LRRIQ1: variants seen among roughly 807,000 people sequenced by gnomAD.
LRRIQ1 encodes the protein leucine rich repeats and IQ motif containing 1.
A neutral mutation model predicts 211.9 loss-of-function variants in LRRIQ1; 210 were observed. The ratio of observed to expected loss-of-function variants is 0.99; its 90% CI spans 0.89 to 1.11. The LOEUF (loss-of-function observed/expected upper bound fraction) is 1.11. Among genes scored for constraint, LRRIQ1 ranks in the 50% most tolerant of loss-of-function variants. LRRIQ1 has a pLI of 0.00. For synonymous variants in LRRIQ1, 699 were observed against 650.1 expected, an observed-to-expected ratio of 1.08 and a Z score of -1.14; for missense variants, 2,136 against 1,939.5, an observed-to-expected ratio of 1.10 and a Z score of -1.90.
At chr12:85,068,463 T>C (rs763494723) in intron 10 of LRRIQ1, among the ~76,000 whole-genome samples, 2 of 151,942 alleles carry the variant, frequency 1.3e-5, no homozygotes, top group Non-Finnish European at 2.9e-5. Flanking sequence ...CCATTAGTTA[T>C]ATTAAACATT....
chr12:85,227,381 C>T (rs550031100), intron 24 of LRRIQ1, among the ~76,000 whole-genome samples: 4 of 152,172 alleles, frequency 2.6e-5, no homozygotes, highest in African/African-American at 7.2e-5. Flanking sequence ...CCCATTAACT[C>T]GTCATTTAGT....
chr12:85,111,345 T>G (rs1289581916), intron 15 of LRRIQ1, among the ~76,000 whole-genome samples: 1 of 152,092 alleles, frequency 6.6e-6, no homozygotes, highest in Non-Finnish European at 1.5e-5. Context: ...CTGGTTCCAT[T>G]CATGTAACTG....
intron 1 of LRRIQ1, among the ~76,000 whole-genome samples, chr12:85,256,333 A>G (rs1299432738): frequency 6.6e-6 from 1 of 151,672 alleles, no homozygotes; most frequent in Non-Finnish European, 1.5e-5. Flanking sequence ...TTATCCATTT[A>G]TATGATCATT....
chr12:85,119,597 A>G (rs11116716), intron 15 of LRRIQ1, among the ~76,000 whole-genome samples: 8,625 of 152,188 alleles, frequency 0.057, 820 homozygotes, highest in African/African-American at 0.2. Flanking sequence ...TTGTCTTCCA[A>G]AGTGGCTGTA....
intron 24 of LRRIQ1, among the ~76,000 whole-genome samples, chr12:85,199,588 TA>T (rs1893191495): frequency 6.6e-6 from 1 of 152,070 alleles, no homozygotes; most frequent in Admixed American, 6.6e-5. Context: ...GGGTAATTCA[TA>T]AAGGAAAAAG....
chr12:85,075,195 C>T (rs1883505358), intron 11 of LRRIQ1, among the ~76,000 whole-genome samples: 1 of 152,014 alleles, frequency 6.6e-6, no homozygotes. Flanking sequence ...GCTTATAATC[C>T]TAGCACTTTG....
rs75487867 is a variant in LRRIQ1 at position 85,036,405 on chromosome 12, G to A, written c.-27G>A. Reference sequence around the variant, plus strand: ...CAAAGCCAAGGAATCTCGCTGCTGAGGGGTGAGCCGGGGTCTTAAGACTGG... The same window carrying A: ...CAAAGCCAAGGAATCTCGCTGCTGAAGGGTGAGCCGGGGTCTTAAGACTGG... On this transcript the variant is annotated splice_region_variant and 5_prime_UTR_variant, in exon 1 of 27. Transcript: ENST00000393217. The A allele has an allele frequency of 0.02, 3,115 of 152,362 alleles. 136 individuals are homozygous for A. Among genetic ancestry groups the A allele is most frequent in the East Asian group, 0.2 (1,036 of 5,142 alleles). 9.4% of individuals were successfully genotyped at this position (152,362 alleles called of 1,614,324 possible). A position where few individuals can be genotyped will look rare whatever the true frequency, so the allele number is the denominator to read the frequency against.
chr12:85,153,758 G>T lies in LRRIQ1; in HGVS notation c.4637G>T (p.Trp1546Leu), dbSNP rs1157833686. 3 of 1,518,560 alleles carry T rather than the reference G, an allele frequency of 2.0e-6. No individual in the cohort carries two copies. The highest frequency in any genetic ancestry group is 2.7e-6 in the Non-Finnish European group (3 of 1,118,846). The allele number at this position is 1,518,560 out of a possible 1,614,324, so 94.1% of individuals were successfully genotyped here. A position where few individuals can be genotyped will look rare whatever the true frequency, so the allele number is the denominator to read the frequency against. ...SEKEKKISEE[W>L]GFKDISTAQQ... Reference sequence around the variant, plus strand: ...AAAGAAAAAAAAATTTCAGAAGAATGGTATGTAGTCAATTTGACACTAATA... The same window carrying T: ...AAAGAAAAAAAAATTTCAGAAGAATTGTATGTAGTCAATTTGACACTAATA... Residue 1546 changes from tryptophan to leucine, a missense_variant and splice_region_variant, in exon 22 of 27, where the codon TGG becomes TTG. Trp to Leu is a moderately conservative substitution (Grantham distance 61). Transcript: ENST00000393217.
intron 24 of LRRIQ1, among the ~76,000 whole-genome samples, chr12:85,217,506 ATATGTGTGTGTGTGTGTGTGTGTGTG>A (rs1894172019): frequency 2.9e-5 from 2 of 69,870 alleles, no homozygotes; most frequent in Non-Finnish European, 4.7e-5. Flanking sequence ...ATATATATAT[ATATGTGTGTGTGTGTGTGTGTGTGTG>A]TGTGTGTGTG....
intron 18 of LRRIQ1, among the ~76,000 whole-genome samples, chr12:85,128,719 CAA>C (rs1252603782): frequency 1.3e-5 from 2 of 152,112 alleles, no homozygotes; most frequent in African/African-American, 4.8e-5. Context: ...GAAAATCTAC[CAA>C]AATAATTGTT....
intron 24 of LRRIQ1, among the ~76,000 whole-genome samples, chr12:85,168,794 A>T (rs931334998): frequency 1.3e-5 from 2 of 152,182 alleles, no homozygotes; most frequent in African/African-American, 4.8e-5. Context: ...CCATTCCACC[A>T]TTCTATCAAT....
intron 11 of LRRIQ1, among the ~76,000 whole-genome samples, chr12:85,083,668 G>C (rs916861556): frequency 6.6e-6 from 1 of 152,072 alleles, no homozygotes; most frequent in African/African-American, 2.4e-5. Flanking sequence ...TCAATCTCTT[G>C]ACCTCGTGAT....
At chr12:85,064,320 T>C (rs1333069469) in intron 8 of LRRIQ1, among the ~76,000 whole-genome samples, 1 of 151,912 alleles carries the variant, frequency 6.6e-6, no homozygotes, top group Non-Finnish European at 1.5e-5. Flanking sequence ...TTTATATATT[T>C]TCTTGAGAAA....
At chr12:85,111,379 C>G (rs1887163414) in intron 15 of LRRIQ1, among the ~76,000 whole-genome samples, 1 of 151,950 alleles carries the variant, frequency 6.6e-6, no homozygotes, top group African/African-American at 2.4e-5. Context: ...ACCTACTGCA[C>G]GAGAGGCTAG....
At chr12:85,050,076 C>A (rs1214383179) in intron 6 of LRRIQ1, among the ~76,000 whole-genome samples, 1 of 151,992 alleles carries the variant, frequency 6.6e-6, no homozygotes, top group Non-Finnish European at 1.5e-5. Flanking sequence ...TTTAAATGAC[C>A]AGATCTAATG....
At chr12:85,150,558 T>C (rs1890172496) in intron 19 of LRRIQ1, among the ~76,000 whole-genome samples, 1 of 151,778 alleles carries the variant, frequency 6.6e-6, no homozygotes, top group African/African-American at 2.4e-5. Context: ...ATAAATGGCT[T>C]AAATACATTA....
At chr12:85,186,140 G>T (rs1395262481) in intron 24 of LRRIQ1, among the ~76,000 whole-genome samples, 1 of 151,898 alleles carries the variant, frequency 6.6e-6, no homozygotes, top group East Asian at 1.9e-4. Context: ...TGTTGTTAAG[G>T]TCAGACAACA....
intron 15 of LRRIQ1, among the ~76,000 whole-genome samples, chr12:85,118,931 A>C (rs542913179): frequency 6.6e-6 from 1 of 152,238 alleles, no homozygotes; most frequent in South Asian, 2.1e-4. Flanking sequence ...CACATACCTC[A>C]ACCCCATACA....
In LRRIQ1 at chr12:85,047,247, A is replaced by G. The variant is rs774618975; in HGVS notation, c.455A>G (p.Asp152Gly). 2.0e-5 allele frequency: 32 copies of G among 1,584,930 alleles called. No homozygotes were observed. The highest frequency in any genetic ancestry group is 2.7e-5 in the Non-Finnish European group (32 of 1,170,118). Reference protein sequence around the residue: ...DLPMDEHVLPDDADINFGYCE... With the variant: ...DLPMDEHVLPGDADINFGYCE... ...ATGTTATTTTTCTTCATGAGTGCAG[A>G]TGATGCTGATATAAATTTTGGATAC... Residue 152 changes from aspartate to glycine, a missense_variant and splice_region_variant, in exon 6 of 27, where the codon GAT becomes GGT. Transcript: ENST00000393217.
Sources: gnomAD v4.1 joint callset for allele counts (sites outside exome capture counted in the v4.1 genomes callset) on GRCh38, gnomAD v4.1.1 for gene constraint, MANE v1.5 for transcripts, NCBI Gene and HGNC (gene_info 2026-07-23, HGNC 2026-07-21) for gene names.